The following NSRP1 variants were observed in gnomAD, a reference collection of about 807,000 sequenced individuals.
NSRP1 encodes the protein nuclear speckle splicing regulatory protein 1, also known as coiled-coil domain containing 55.
NSRP1 carries 24 observed loss-of-function variants against 54.7 expected under a neutral mutation model. That is an observed-to-expected ratio of 0.44 (90% CI 0.32 to 0.62). The LOEUF is 0.62. NSRP1 is among the 20% of genes least tolerant of loss of function. The pLI is 0.06. For missense variants in NSRP1, 596 were observed against 651.2 expected, an observed-to-expected ratio of 0.92 and a Z score of 0.92; for synonymous variants, 210 against 213.8, an observed-to-expected ratio of 0.98 and a Z score of 0.15.
At chr17:30,171,976 C>CACACACACACA in intron 2 of NSRP1, among the ~76,000 whole-genome samples, 1 of 80,438 alleles carries the variant, frequency 1.2e-5, no homozygotes, top group African/African-American at 4.1e-5. Context: ...ACACACACTC[C>CACACACACACA]CTCTCTCTCT....
intron 2 of NSRP1, among the ~76,000 whole-genome samples, chr17:30,143,697 A>G (rs2071826581): frequency 1.3e-5 from 2 of 152,228 alleles, no homozygotes; most frequent in African/African-American, 4.8e-5. Context: ...TGGTTAATTA[A>G]GCAATAATTG....
intron 2 of NSRP1, among the ~76,000 whole-genome samples, chr17:30,156,319 C>T (rs1039628718): frequency 1.3e-5 from 2 of 150,620 alleles, no homozygotes; most frequent in Non-Finnish European, 3.0e-5. Context: ...ATTAACCAAC[C>T]TCTCTTTATC....
At chr17:30,130,334 A>G (rs2071688660) in intron 2 of NSRP1, among the ~76,000 whole-genome samples, 1 of 152,082 alleles carries the variant, frequency 6.6e-6, no homozygotes, top group Non-Finnish European at 1.5e-5. Flanking sequence ...CCTGGCTTCA[A>G]ATGATCCTCC....
chr17:30,135,826 C>CATTCAT (rs1255992753), intron 2 of NSRP1, among the ~76,000 whole-genome samples: 4 of 152,112 alleles, frequency 2.6e-5, no homozygotes, highest in African/African-American at 9.7e-5. Flanking sequence ...CTCATGCCCC[C>CATTCAT]ATTCATATAG....
chr17:30,172,548 G>T lies in NSRP1; in HGVS notation c.121G>T (p.Val41Leu). ...NDSDDDDETS[V>L]SESLQREAAK... ...ATATATTTCTGTTTTACAGACCTCTGTGAGTGAAAGCCTTCAGAGGGAAGC... is the reference window on the plus strand; with the variant it reads ...ATATATTTCTGTTTTACAGACCTCTTTGAGTGAAAGCCTTCAGAGGGAAGC... Residue 41 changes from valine to leucine, a missense_variant, in exon 3 of 7, where the codon GTG becomes TTG. Physicochemically the swap from Val to Leu is conservative, Grantham distance 32 (BLOSUM62 1). Coordinates refer to ENST00000247026, the MANE Select transcript of NSRP1 (RefSeq NM_032141.4). 1 of 1,609,178 alleles carries T rather than the reference G, an allele frequency of 6.2e-7. No homozygotes were observed. Among genetic ancestry groups the T allele is most frequent in the Non-Finnish European group, 8.5e-7 (1 of 1,177,292 alleles).
chr17:30,123,242 G>C (rs1042911149), intron 2 of NSRP1, among the ~76,000 whole-genome samples: 5 of 152,148 alleles, frequency 3.3e-5, no homozygotes, highest in Non-Finnish European at 7.3e-5. Context: ...TAGGACTACA[G>C]GTGCAGCTGG....
rs1417644208 is a variant in NSRP1 at position 30,185,294 on chromosome 17, A to G, written c.1297A>G (p.Lys433Glu). Residue 433 changes from lysine to glutamate, a missense_variant, in exon 7 of 7, where the codon AAA (lysine) becomes GAA (glutamate). Physicochemically the swap from Lys to Glu is moderately conservative, Grantham distance 56. Transcript: ENST00000247026. ...VRKERYENND[K>E]YRDREKREVG... The stretch of plus-strand genomic sequence containing the variant: ...GAAGGAAAGATATGAAAATAATGAT[A>G]AATACAGAGATAGAGAAAAACGAGA... The G allele has an allele frequency of 1.2e-6, 2 of 1,604,398 alleles. No homozygotes were observed. Among genetic ancestry groups the G allele is most frequent in the African/African-American group, 1.4e-5 (1 of 73,914 alleles).
At chr17:30,160,182 T>G (rs1904465323) in intron 2 of NSRP1, among the ~76,000 whole-genome samples, 1 of 152,242 alleles carries the variant, frequency 6.6e-6, no homozygotes, top group Non-Finnish European at 1.5e-5. Flanking sequence ...CCTTTTGATG[T>G]ACTGTTGGAT....
In NSRP1 at chr17:30,153,105, C is replaced by T. The variant is rs142713591; in HGVS notation, c.115-19437C>T. ...AATTTTTGTATTTTTTTAGTAGAGACGGAGTTTTGCCGTGTTGGCCAGGCT... is the reference window on the plus strand; with the variant it reads ...AATTTTTGTATTTTTTTAGTAGAGATGGAGTTTTGCCGTGTTGGCCAGGCT... On this transcript the variant is annotated intron_variant, in intron 2 of 6. Transcript: ENST00000247026. Among the ~76,000 whole-genome samples, 731 of 151,796 alleles carry T rather than the reference C, an allele frequency of 4.8e-3. 6 individuals are homozygous for T. The highest frequency in any genetic ancestry group is 0.017 in the African/African-American group (699 of 41,388).
chr17:30,159,326 T>C (rs1904426189), intron 2 of NSRP1, among the ~76,000 whole-genome samples: 1 of 152,220 alleles, frequency 6.6e-6, no homozygotes, highest in African/African-American at 2.4e-5. Flanking sequence ...GCAGCTTTAC[T>C]GAATTTGTTC....
chr17:30,180,043 C>T (rs1383145610), intron 5 of NSRP1, among the ~76,000 whole-genome samples: 2 of 152,014 alleles, frequency 1.3e-5, no homozygotes, highest in Admixed American at 6.6e-5. Flanking sequence ...CACTATGTTG[C>T]CGGGGCTGGT....
At chr17:30,147,955 G>T (rs1390921101) in intron 2 of NSRP1, among the ~76,000 whole-genome samples, 1 of 152,062 alleles carries the variant, frequency 6.6e-6, no homozygotes, top group African/African-American at 2.4e-5. Flanking sequence ...GGGATTGCAG[G>T]CATGTGCTAC....
intron 2 of NSRP1, among the ~76,000 whole-genome samples, chr17:30,154,818 A>C (rs1376546005): frequency 6.6e-6 from 1 of 152,210 alleles, no homozygotes; most frequent in Non-Finnish European, 1.5e-5. Context: ...ATTATACTTA[A>C]CAGCTGAACA....
chr17:30,145,883 A>G (rs569889876), intron 2 of NSRP1, among the ~76,000 whole-genome samples: 9 of 152,064 alleles, frequency 5.9e-5, no homozygotes, highest in Non-Finnish European at 1.2e-4. Context: ...AAGGACCCAC[A>G]CTGTTCCTCA....
At chr17:30,164,662 G>A (rs917959019) in intron 2 of NSRP1, among the ~76,000 whole-genome samples, 1 of 152,126 alleles carries the variant, frequency 6.6e-6, no homozygotes, top group East Asian at 1.9e-4. Context: ...GCTGGATGTG[G>A]TGACACACAT....
chr17:30,182,621 A>G (rs1425051393), intron 6 of NSRP1, among the ~76,000 whole-genome samples: 1 of 141,940 alleles, frequency 7.0e-6, no homozygotes, highest in Non-Finnish European at 1.5e-5. Flanking sequence ...CAACCTGGCG[A>G]CAGAGCCAGA....
intron 2 of NSRP1, among the ~76,000 whole-genome samples, chr17:30,127,682 G>A (rs540640367): frequency 4.1e-4 from 63 of 152,228 alleles, no homozygotes; most frequent in Non-Finnish European, 7.6e-4. Context: ...CCAAAGTGTC[G>A]GGATTATAGG....
At chr17:30,133,309 G>C (rs2071718916) in intron 2 of NSRP1, among the ~76,000 whole-genome samples, 1 of 152,034 alleles carries the variant, frequency 6.6e-6, no homozygotes. Context: ...TGAACCATTT[G>C]CTCCAGAATG....
At chr17:30,172,014 T>TCTCTCTCTCTCTCTCTCACACA (rs144705088) in intron 2 of NSRP1, among the ~76,000 whole-genome samples, 2 of 131,056 alleles carry the variant, frequency 1.5e-5, no homozygotes, top group African/African-American at 2.8e-5. Context: ...TCTCTCTCTC[T>TCTCTCTCTCTCTCTCTCACACA]CACATGTTCA....
Sources: allele counts gnomAD v4.1 joint callset (sites outside exome capture counted in the v4.1 genomes callset), GRCh38; gene constraint gnomAD v4.1.1; transcripts MANE v1.5; gene names NCBI Gene and HGNC (gene_info 2026-07-23, HGNC 2026-07-21).